Variants in FANCC observed in about 807,000 individuals in gnomAD.
FANCC encodes the protein FA complementation group C.
A neutral mutation model predicts 71.3 loss-of-function variants in FANCC; 55 were observed. The ratio of observed to expected loss-of-function variants is 0.77; its 90% confidence interval spans 0.62 to 0.97. FANCC has a LOEUF of 0.97. FANCC is among the 50% of genes least tolerant of loss of function. The probability of loss-of-function intolerance (pLI) is 0.00; values close to 1 mark genes in which losing one functional copy is unlikely to be tolerated. For missense variants in FANCC, 678 were observed against 670.9 expected, an observed-to-expected ratio of 1.01 and a Z score of -0.12; for synonymous variants, 275 against 244.9, an observed-to-expected ratio of 1.12 and a Z score of -1.15.
intron 1 of FANCC, among the ~76,000 whole-genome samples, chr9:95,303,837 C>T (rs935087283): frequency 2.0e-5 from 3 of 152,216 alleles, no homozygotes; most frequent in Non-Finnish European, 4.4e-5. Flanking sequence ...GCCCATAACA[C>T]AACCCTCTAC....
At chr9:95,179,690 G>A (rs945622612) in intron 4 of FANCC, among the ~76,000 whole-genome samples, 8 of 152,136 alleles carry the variant, frequency 5.3e-5, no homozygotes, top group African/African-American at 1.9e-4. Flanking sequence ...TGGGTGTACT[G>A]ATTTGTCAAA....
chr9:95,137,897 C>CAG (rs1300227963), intron 7 of FANCC, among the ~76,000 whole-genome samples: 1 of 152,212 alleles, frequency 6.6e-6, no homozygotes, highest in Non-Finnish European at 1.5e-5. Flanking sequence ...CAGCACATGG[C>CAG]AGAGAGAGGA....
At chr9:95,244,166 G>A (rs1402227747) in intron 3 of FANCC, among the ~76,000 whole-genome samples, 1 of 152,178 alleles carries the variant, frequency 6.6e-6, no homozygotes, top group Non-Finnish European at 1.5e-5. Flanking sequence ...GAGACCCCAC[G>A]AGTTCAGATG....
chr9:95,102,826 T>G (rs1399235372), intron 14 of FANCC, among the ~76,000 whole-genome samples: 1 of 152,208 alleles, frequency 6.6e-6, no homozygotes, highest in East Asian at 1.9e-4. Flanking sequence ...GACGCAGAGC[T>G]AAGAGTAAAC....
chr9:95,257,830 T>A (rs1831767866), intron 1 of FANCC, among the ~76,000 whole-genome samples: 1 of 151,850 alleles, frequency 6.6e-6, no homozygotes, highest in Non-Finnish European at 1.5e-5. Context: ...ATAGACACAA[T>A]AAAAAATGAT....
intron 4 of FANCC, among the ~76,000 whole-genome samples, chr9:95,178,712 C>T (rs551187674): frequency 2.0e-5 from 3 of 152,224 alleles, no homozygotes; most frequent in South Asian, 2.1e-4. Flanking sequence ...GGTCAACACA[C>T]GGACACAGCA....
At chr9:95,315,002 A>C (rs1326326437) in intron 1 of FANCC, among the ~76,000 whole-genome samples, 1 of 152,246 alleles carries the variant, frequency 6.6e-6, no homozygotes, top group Non-Finnish European at 1.5e-5. Flanking sequence ...CCGCCAAAAC[A>C]ATTTTGAAAA....
chr9:95,107,075 G>A lies in FANCC; in HGVS notation c.1524C>T (p.Val508=), dbSNP rs765766432. ...APGGHTIAWD[V]ITLMAHTAEI... is the part of the protein sequence containing the mutation. ...CCACAGGGAGACTTACCAGGGTGATGACATCCCAGGCGATCGTGTGGCCTC... is the reference window on the plus strand; with the variant it reads ...CCACAGGGAGACTTACCAGGGTGATAACATCCCAGGCGATCGTGTGGCCTC... Residue 508 remains valine (V), a synonymous_variant, in exon 14 of 15, where the codon GTC becomes GTT. Transcript: ENST00000289081. The A allele has an allele frequency of 2.5e-6, 4 of 1,614,184 alleles. No homozygotes were observed. The highest frequency in any genetic ancestry group is 3.4e-6 in the Non-Finnish European group (4 of 1,180,016).
chr9:95,264,080 C>T (rs964361018), intron 1 of FANCC, among the ~76,000 whole-genome samples: 2 of 152,198 alleles, frequency 1.3e-5, no homozygotes, highest in African/African-American at 4.8e-5. Context: ...GAATCACAGC[C>T]CCGTGTCCTC....
At chr9:95,239,618 C>T (rs1322171585) in intron 4 of FANCC, among the ~76,000 whole-genome samples, 2 of 152,162 alleles carry the variant, frequency 1.3e-5, no homozygotes, top group African/African-American at 4.8e-5. Context: ...TCTTTCTTCC[C>T]TAATTCTACT....
At chr9:95,173,565 C>T (rs760339805) in intron 4 of FANCC, among the ~76,000 whole-genome samples, 31 of 152,152 alleles carry the variant, frequency 2.0e-4, no homozygotes, top group Non-Finnish European at 2.6e-4. Flanking sequence ...TAAAAATTGT[C>T]TAACAGCAGA....
At chr9:95,257,554 C>T (rs964571225) in intron 1 of FANCC, among the ~76,000 whole-genome samples, 1 of 152,170 alleles carries the variant, frequency 6.6e-6, no homozygotes, top group Non-Finnish European at 1.5e-5. Context: ...AAATTTATAG[C>T]ACTAAATGCC....
intron 1 of FANCC, among the ~76,000 whole-genome samples, chr9:95,254,179 A>C (rs1284493202): frequency 6.6e-6 from 1 of 152,034 alleles, no homozygotes; most frequent in African/African-American, 2.4e-5. Context: ...GGCAATGACT[A>C]TCTATCCACA....
chr9:95,152,180 T>C (rs1046551572), intron 6 of FANCC, among the ~76,000 whole-genome samples: 1 of 152,248 alleles, frequency 6.6e-6, no homozygotes, highest in African/African-American at 2.4e-5. Context: ...TTTGTCCTAT[T>C]TGTTCATTTA....
intron 10 of FANCC, 82 bp from the exon 11 acceptor site, chr9:95,117,472 G>T: frequency 8.9e-7 from 1 of 1,118,490 alleles, no homozygotes; most frequent in Non-Finnish European, 1.3e-6. Context: ...TGAGTCCTCT[G>T]CCCAAAAAAG....
intron 4 of FANCC, among the ~76,000 whole-genome samples, chr9:95,238,058 C>A (rs1157126853): frequency 2.0e-5 from 3 of 152,182 alleles, no homozygotes; most frequent in Non-Finnish European, 2.9e-5. Context: ...AATGAGCACT[C>A]ATTCTCCGTT....
At chr9:95,231,254 G>C (rs1485175321) in intron 4 of FANCC, among the ~76,000 whole-genome samples, 4 of 152,168 alleles carry the variant, frequency 2.6e-5, no homozygotes, top group Non-Finnish European at 5.9e-5. Context: ...TAAAAACCAA[G>C]TCCATAAAAT....
At chr9:95,181,429 AT>A (rs898624082) in intron 4 of FANCC, among the ~76,000 whole-genome samples, 59 of 152,006 alleles carry the variant, frequency 3.9e-4, no homozygotes, top group East Asian at 2.5e-3. Flanking sequence ...GCTAAGAATA[AT>A]TTTTTTTACC....
Position 95,301,191 on chromosome 9 carries a change from C to CAT in FANCC, c.-79+16334_-79+16335insAT, listed in dbSNP as rs918803779. 1.7e-4 allele frequency among the ~76,000 whole-genome samples: 26 copies of CAT among 151,868 alleles called. No individual in the cohort carries two copies. The South Asian group carries it at 4.6e-3, about 27-fold the overall frequency. ...AACCATCAAAACACACACACACACA[C>CAT]ACACACACACACACAAAATTGTTAA... On this transcript the variant is annotated intron_variant, in intron 1 of 14. Transcript: ENST00000289081.
Sources: gnomAD v4.1 joint callset for allele counts (sites outside exome capture counted in the v4.1 genomes callset) on GRCh38, gnomAD v4.1.1 for gene constraint, MANE v1.5 for transcripts, NCBI Gene and HGNC (gene_info 2026-07-23, HGNC 2026-07-21) for gene names.